The following CCDC81 variants were observed in gnomAD, a reference collection of about 807,000 sequenced individuals.
CCDC81 encodes the protein coiled-coil domain-containing protein 81.
In CCDC81, 79 loss-of-function variants were observed where a neutral mutation model predicts 83.7. That is an observed-to-expected ratio of 0.94 (90% CI 0.79 to 1.14). The LOEUF (loss-of-function observed/expected upper bound fraction) is 1.14. Ranked by LOEUF, CCDC81 falls within the 50% of genes most tolerant of loss-of-function variation. The pLI is 0.00. For synonymous variants in CCDC81, 252 were observed against 278.1 expected (o/e 0.91, Z 0.93); for missense variants, 791 against 778.1 (o/e 1.02, Z -0.20).
At chr11:86,383,398 A>T (rs969669702) in intron 1 of CCDC81, among the ~76,000 whole-genome samples, 1 of 152,228 alleles carries the variant, frequency 6.6e-6, no homozygotes, top group African/African-American at 2.4e-5. Flanking sequence ...TTTCAAGCAT[A>T]TAGTATTGTA....
chr11:86,409,399 T>C, intron 10 of CCDC81, 34 bp downstream of exon 10: 1 of 1,092,838 alleles, frequency 9.2e-7, no homozygotes, highest in Non-Finnish European at 1.3e-6. Context: ...TGCTAACACC[T>C]GGCCCATCTG....
intron 6 of CCDC81, among the ~76,000 whole-genome samples, chr11:86,398,544 A>G (rs79452944): frequency 6.6e-6 from 1 of 151,226 alleles, no homozygotes; most frequent in African/African-American, 2.4e-5. Context: ...TTTTTTTTTA[A>G]CCAAAGACTT....
chr11:86,417,361 T>C (rs1460810688), intron 13 of CCDC81, among the ~76,000 whole-genome samples: 1 of 152,056 alleles, frequency 6.6e-6, no homozygotes, highest in East Asian at 1.9e-4. Context: ...GGTTACATAT[T>C]AACCTTAATT....
At chr11:86,390,242 C>T (rs1467062342) in intron 3 of CCDC81, among the ~76,000 whole-genome samples, 2 of 152,112 alleles carry the variant, frequency 1.3e-5, no homozygotes, top group East Asian at 3.8e-4. Context: ...GTGAAGAGGT[C>T]TTAAAGGATG....
At chr11:86,375,377 C>T in intron 1 of CCDC81, 135 bp downstream of exon 1, 2 of 679,548 alleles carry the variant, frequency 2.9e-6, no homozygotes, top group Non-Finnish European at 2.5e-6. Context: ...TGACAACCAG[C>T]TGGTAATCAC....
intron 13 of CCDC81, among the ~76,000 whole-genome samples, chr11:86,417,428 TC>T (rs1290968437): frequency 6.6e-6 from 1 of 152,046 alleles, no homozygotes; most frequent in Non-Finnish European, 1.5e-5. Context: ...CATATATTTT[TC>T]CTTCTACTTT....
intron 7 of CCDC81, among the ~76,000 whole-genome samples, chr11:86,401,091 C>T (rs1948480777): frequency 6.6e-6 from 1 of 152,096 alleles, no homozygotes. Flanking sequence ...TAGATTTGGG[C>T]TTCCCAAATC....
chr11:86,381,462 C>T (rs1158373133), intron 1 of CCDC81, among the ~76,000 whole-genome samples: 2 of 152,078 alleles, frequency 1.3e-5, no homozygotes, highest in Non-Finnish European at 1.5e-5. Context: ...TATGTGGGGA[C>T]CCTCCCTCCA....
intron 13 of CCDC81, chr11:86,419,707 T>C (rs780362371): frequency 1.6e-5 from 6 of 368,920 alleles, no homozygotes; most frequent in Non-Finnish European, 2.8e-5. Flanking sequence ...TCAATCCTAT[T>C]AAATCAAACC....
chr11:86,418,020 A>G (rs1948744852), intron 13 of CCDC81, among the ~76,000 whole-genome samples: 1 of 152,222 alleles, frequency 6.6e-6, no homozygotes, highest in Non-Finnish European at 1.5e-5. Context: ...TGTCCCCTGC[A>G]CAATCTCTGC....
intron 1 of CCDC81, among the ~76,000 whole-genome samples, chr11:86,380,865 AG>A (rs1948167810): frequency 6.6e-6 from 1 of 152,198 alleles, no homozygotes; most frequent in African/African-American, 2.4e-5. Flanking sequence ...TAGAGCCCTT[AG>A]CATATTAGCC....
chr11:86,417,171 A>G lies in CCDC81; in HGVS notation c.1691+1858A>G, dbSNP rs1948730774. Among the ~76,000 whole-genome samples the G allele has an allele frequency of 2.0e-5, 3 of 148,852 alleles. No individual in the cohort carries two copies. In the South Asian group the frequency reaches 6.4e-4, roughly 32 times the overall value. On this transcript the variant is annotated intron_variant, in intron 13 of 14. Transcript: ENST00000445632. ...AGGCACAAGAATGCTTGAACCTGGG[A>G]GGCAGAGGTTGCAGTGAGCTGAGAT...
intron 5 of CCDC81, among the ~76,000 whole-genome samples, chr11:86,396,490 A>G (rs1948410249): frequency 6.6e-6 from 1 of 152,202 alleles, no homozygotes; most frequent in Admixed American, 6.5e-5. Context: ...TTCCTAAAGC[A>G]TTATTACTTT....
chr11:86,416,873 G>A (rs1948726584), intron 13 of CCDC81, among the ~76,000 whole-genome samples: 2 of 152,256 alleles, frequency 1.3e-5, no homozygotes, highest in South Asian at 4.1e-4. Flanking sequence ...AGACAGGACT[G>A]CTAAGCTATT....
chr11:86,409,568 C>T (rs377561906), intron 10 of CCDC81, among the ~76,000 whole-genome samples: 17 of 152,322 alleles, frequency 1.1e-4, no homozygotes, highest in African/African-American at 4.1e-4. Flanking sequence ...TCTCCTGCCT[C>T]AGCCTCCCGA....
intron 6 of CCDC81, among the ~76,000 whole-genome samples, chr11:86,398,605 C>T (rs1948440880): frequency 6.6e-6 from 1 of 151,814 alleles, no homozygotes; most frequent in Admixed American, 6.6e-5. Flanking sequence ...GGCTGGAGTT[C>T]AGTGGCACAA....
At chr11:86,412,089 C>T (rs182409090) in intron 10 of CCDC81, among the ~76,000 whole-genome samples, 3 of 152,342 alleles carry the variant, frequency 2.0e-5, no homozygotes, top group African/African-American at 4.8e-5. Flanking sequence ...TCCTTGGCTA[C>T]AGCACCCAAT....
rs1948817601 is a variant in CCDC81, at chr11:86,423,048, G to A, written c.*333G>A. On this transcript the variant is annotated 3_prime_UTR_variant, in exon 15 of 15. Coordinates refer to ENST00000445632, the MANE Select transcript of CCDC81 (RefSeq NM_001156474.2). The stretch of plus-strand genomic sequence containing the variant: ...CCCTGCTGCTGCTCCATGACTTTGT[G>A]TACAAAACTTTTTTCATCTGTAATG... 8.4e-6 allele frequency: 2 copies of A among 237,818 alleles called. No individual in the cohort carries two copies. The highest frequency in any genetic ancestry group is 1.6e-5 in the Non-Finnish European group (2 of 122,556). The allele number at this position is 237,818 out of a possible 1,614,324, so 14.7% of individuals were successfully genotyped here. A position where few individuals can be genotyped will look rare whatever the true frequency, so the allele number is the denominator to read the frequency against.
At chr11:86,400,853 A>G in intron 7 of CCDC81, 52 bp downstream of exon 7, 2 of 1,533,038 alleles carry the variant, frequency 1.3e-6, no homozygotes, top group Non-Finnish European at 1.8e-6. Context: ...TATATTTTTG[A>G]GTCGTTGCTT....
Sources: allele counts gnomAD v4.1 joint callset (sites outside exome capture counted in the v4.1 genomes callset), GRCh38; gene constraint gnomAD v4.1.1; transcripts MANE v1.5; gene names NCBI Gene and HGNC (gene_info 2026-07-23, HGNC 2026-07-21).